The following DRC4 variants were observed in gnomAD, a reference collection of about 807,000 sequenced individuals.
DRC4 encodes the protein GAS-11.
At chr16:90,028,774 G>A in the DRC4 span, 1 of 524,450 alleles carries the variant, frequency 1.9e-6, no homozygotes, top group Non-Finnish European at 3.0e-6. Flanking sequence ...CATGGGACAT[G>A]AGGGCTGTGT....
the DRC4 span, among the ~76,000 whole-genome samples, chr16:90,028,351 A>C: frequency 1.4e-5 from 2 of 145,862 alleles, no homozygotes; most frequent in African/African-American, 5.1e-5. Context: ...CGCCTGGCTA[A>C]TTTTTTTTTT....
chr16:90,027,893 C>A, the DRC4 span: 2 of 608,762 alleles, frequency 3.3e-6, no homozygotes, highest in South Asian at 2.1e-5. Flanking sequence ...TCGGCTGCAC[C>A]ATGTCTTTTC....
At chr16:90,036,345 T>TC in the DRC4 span, 1 of 1,556,670 alleles carries the variant, frequency 6.4e-7, no homozygotes, top group Non-Finnish European at 8.7e-7. Context: ...CACCACGTCT[T>TC]CCTCTGCTAA....
At chr16:90,035,440 G>A in the DRC4 span, among the ~76,000 whole-genome samples, 3 of 152,198 alleles carry the variant, frequency 2.0e-5, no homozygotes, top group Non-Finnish European at 2.9e-5. Context: ...ATGGTTTGGC[G>A]ATGGAACCAA....
the DRC4 span, chr16:90,027,945 G>A: frequency 3.6e-6 from 2 of 550,354 alleles, no homozygotes; most frequent in Non-Finnish European, 6.5e-6. Context: ...GTAACAGGGT[G>A]GTAGGAGTGT....
chr16:90,036,509 G>A, the DRC4 span: 30 of 1,613,584 alleles, frequency 1.9e-5, no homozygotes, highest in African/African-American at 1.9e-4. Context: ...GCAGCGCCAC[G>A]AGGAGGCCTT....
chr16:90,033,974 C>T, the DRC4 span, among the ~76,000 whole-genome samples: 8 of 151,478 alleles, frequency 5.3e-5, 1 homozygote, highest in South Asian at 1.0e-3. Context: ...TTGTCCGCCT[C>T]GAAAGCCGTG....
the DRC4 span, chr16:90,039,896 A>T: frequency 3.5e-6 from 1 of 283,666 alleles, no homozygotes; most frequent in East Asian, 7.8e-5. Flanking sequence ...CATATCCTCC[A>T]AGGGGCCCCA....
chr16:90,043,089 CCTT>C, the DRC4 span: 2 of 1,295,408 alleles, frequency 1.5e-6, no homozygotes, highest in Admixed American at 2.4e-5. Context: ...TTGGCTTTAT[CCTT>C]CTGCACCGTG....
the DRC4 span, chr16:90,035,754 C>A: frequency 6.2e-7 from 1 of 1,613,776 alleles, no homozygotes; most frequent in Non-Finnish European, 8.5e-7. Flanking sequence ...GAGGAATTTA[C>A]CTCCAGAGCT....
the DRC4 span, chr16:90,032,922 C>G: frequency 2.5e-6 from 4 of 1,612,712 alleles, no homozygotes; most frequent in Admixed American, 1.7e-5. Flanking sequence ...GAACCTGCGG[C>G]TGGTAGGTGT....
At chr16:90,029,205 G>T in the DRC4 span, 7 of 1,360,174 alleles carry the variant, frequency 5.1e-6, no homozygotes, top group Admixed American at 1.3e-4. Context: ...AGCCTACGGG[G>T]CAGGCTACGG....
At chr16:90,027,898 C>A in the DRC4 span, 2 of 609,514 alleles carry the variant, frequency 3.3e-6, no homozygotes, top group South Asian at 2.0e-5. Context: ...TGCACCATGT[C>A]TTTTCAGAAA....
chr16:90,043,577 G>T, the DRC4 span: 1 of 606,556 alleles, frequency 1.6e-6, no homozygotes, highest in Non-Finnish European at 3.0e-6. Flanking sequence ...TCCAGCCTGT[G>T]TCCAGGCCTA....
chr16:90,037,408 C>G, the DRC4 span: 1 of 1,605,860 alleles, frequency 6.2e-7, no homozygotes, highest in Non-Finnish European at 8.5e-7. Flanking sequence ...TTGTGAGTTT[C>G]CCGCTGGATT....
chr16:90,036,438 G>A, the DRC4 span: 75 of 1,613,076 alleles, frequency 4.6e-5, no homozygotes, highest in Middle Eastern at 1.6e-4. Flanking sequence ...CTCGACTTGC[G>A]GAGAAAGACT....
At chr16:90,036,665 C>T in the DRC4 span, 2 of 1,249,038 alleles carry the variant, frequency 1.6e-6, no homozygotes, top group East Asian at 2.5e-5. Context: ...GGGATCCAGA[C>T]CCCAGCTCTC....
the DRC4 span, chr16:90,019,993 G>C: frequency 4.3e-6 from 3 of 699,394 alleles, no homozygotes; most frequent in African/African-American, 5.3e-5. This position sits in a 1 kb window ranked among gnomAD's most constrained non-coding sequence, Gnocchi z 6.1. Flanking sequence ...GGGCTGCAGA[G>C]AGCGCCAAGG....
chr16:90,036,006 G>A, the DRC4 span: 1 of 995,170 alleles, frequency 1.0e-6, no homozygotes, highest in Non-Finnish European at 1.4e-6. Context: ...CATGGCTCCT[G>A]GTCTGAGAAG....
Sources: gnomAD v4.1 joint callset for allele counts (sites outside exome capture counted in the v4.1 genomes callset) on GRCh38, gnomAD v4.1.1 for gene constraint, Gnocchi (gnomAD v3.1) non-coding constraint, MANE v1.5 for transcripts, NCBI Gene and HGNC (gene_info 2026-07-23, HGNC 2026-07-21) for gene names.